Variants in KIF5C observed in about 807,000 individuals in gnomAD.
KIF5C encodes kinesin heavy chain isoform 5C.
In KIF5C, 18 loss-of-function variants were observed where a neutral mutation model predicts 125.2. The observed-to-expected ratio is 0.14, with a 90% confidence interval of 0.10 to 0.21. The LOEUF (loss-of-function observed/expected upper bound fraction) is 0.21. Ranked by LOEUF, KIF5C falls within the 10% of genes least tolerant of loss-of-function variation. The pLI is 1.00. For missense variants in KIF5C, 780 were observed against 1,183.8 expected, an observed-to-expected ratio of 0.66 and a Z score of 5.01; for synonymous variants, 405 against 434.0, an observed-to-expected ratio of 0.93 and a Z score of 0.83.
chr2:149,014,783 A>G (rs1682312886), intron 25 of KIF5C, among the ~76,000 whole-genome samples: 3 of 152,186 alleles, frequency 2.0e-5, no homozygotes, highest in Admixed American at 1.3e-4. Flanking sequence ...TATAGTTGTT[A>G]CTAAATGGTT....
chr2:148,946,271 G>A (rs983938331), intron 7 of KIF5C, among the ~76,000 whole-genome samples: 15 of 152,184 alleles, frequency 9.9e-5, no homozygotes, highest in African/African-American at 3.6e-4. Flanking sequence ...GGTGAAGGCT[G>A]AATGGGATGG....
intron 2 of KIF5C, among the ~76,000 whole-genome samples, chr2:148,927,515 G>A (rs1475147984): frequency 6.7e-6 from 1 of 148,478 alleles, no homozygotes; most frequent in Non-Finnish European, 1.5e-5. Flanking sequence ...TGTGTGTATA[G>A]GGGGGATGGT....
chr2:148,998,723 C>T (rs968776227), intron 19 of KIF5C: 11 of 705,850 alleles, frequency 1.6e-5, no homozygotes, highest in East Asian at 3.2e-5. Flanking sequence ...AGGTGGCAGG[C>T]GGGCCCAGCT....
intron 25 of KIF5C, 143 bp downstream of exon 25, chr2:149,011,826 A>G: frequency 8.5e-7 from 1 of 1,177,390 alleles, no homozygotes; most frequent in Non-Finnish European, 1.2e-6. Flanking sequence ...AGGTAAACAG[A>G]GACCCAGACC....
intron 1 of KIF5C, among the ~76,000 whole-genome samples, chr2:148,877,657 A>C (rs1185830450): frequency 6.6e-6 from 1 of 152,164 alleles, no homozygotes; most frequent in Non-Finnish European, 1.5e-5. Flanking sequence ...GCAGTACTGG[A>C]ACATGTTCTG....
chr2:149,010,373 C>T, intron 24 of KIF5C, 22 bp downstream of exon 24: 2 of 1,523,108 alleles, frequency 1.3e-6, no homozygotes, highest in Non-Finnish European at 1.8e-6. Flanking sequence ...CACAGTGGCG[C>T]CCGGGGTTTG....
chr2:148,998,650 G>A (rs1315375982), intron 19 of KIF5C, 141 bp downstream of exon 19: 10 of 1,350,814 alleles, frequency 7.4e-6, no homozygotes, highest in African/African-American at 2.9e-5. Context: ...AGCAGGCTGG[G>A]CGGGCTGCTT....
Position 149,011,699 on chromosome 2 carries a change from A to G in KIF5C, c.*7+16A>G, listed in dbSNP as rs748491538. 4 of 1,613,928 alleles carry G rather than the reference A, an allele frequency of 2.5e-6. No homozygotes were observed. The highest frequency in any genetic ancestry group is 3.4e-6 in the Non-Finnish European group (4 of 1,179,868). ...TAAATACAAAGTGAGTCCCATGTCA[A>G]GGGTGGTTTCTCTATCTGGAGGCAG... On this transcript the variant is annotated intron_variant, in intron 25 of 25. Transcript: ENST00000435030.
intron 4 of KIF5C, among the ~76,000 whole-genome samples, chr2:148,941,203 G>C (rs1299643692): frequency 6.6e-6 from 1 of 152,132 alleles, no homozygotes; most frequent in African/African-American, 2.4e-5. Context: ...CCCTCTCCTG[G>C]CTTCTTGCAT....
At chr2:149,020,638 T>A (rs1288003379) in intron 25 of KIF5C, among the ~76,000 whole-genome samples, 1 of 152,170 alleles carries the variant, frequency 6.6e-6, no homozygotes, top group East Asian at 1.9e-4. Flanking sequence ...CCAAGGTATG[T>A]GCTGGCACCT....
chr2:148,928,979 C>T (rs2105091330), intron 2 of KIF5C, among the ~76,000 whole-genome samples: 1 of 152,300 alleles, frequency 6.6e-6, no homozygotes, highest in South Asian at 2.1e-4. Flanking sequence ...TAGAAGAAAA[C>T]TCAAATATCC....
intron 1 of KIF5C, among the ~76,000 whole-genome samples, chr2:148,907,485 G>T (rs528726229): frequency 6.6e-6 from 1 of 152,358 alleles, no homozygotes; most frequent in East Asian, 1.9e-4. Flanking sequence ...AGTCTCTTCT[G>T]ATCTTGCTCC....
intron 11 of KIF5C, among the ~76,000 whole-genome samples, 198 bp downstream of exon 11, chr2:148,962,317 C>T (rs1682947318): frequency 6.6e-6 from 1 of 151,788 alleles, no homozygotes. Context: ...AGGCGTGCAC[C>T]ACCACACCTG....
chr2:149,001,820 G>A (rs958025674), intron 21 of KIF5C, among the ~76,000 whole-genome samples: 1 of 152,244 alleles, frequency 6.6e-6, no homozygotes, highest in East Asian at 1.9e-4. Context: ...TTTTGGCTCC[G>A]TTCATGGGTC....
chr2:149,021,994 C>T (rs1682546275), intron 25 of KIF5C, among the ~76,000 whole-genome samples: 1 of 152,144 alleles, frequency 6.6e-6, no homozygotes, highest in Admixed American at 6.5e-5. Context: ...AGAGGCCATT[C>T]AGGCTGGTCT....
chr2:148,974,569 G>A (rs937098936), intron 12 of KIF5C, among the ~76,000 whole-genome samples: 12 of 151,988 alleles, frequency 7.9e-5, no homozygotes, highest in East Asian at 5.8e-4. Context: ...TAAAATATTC[G>A]CACCCACGAG....
intron 17 of KIF5C, among the ~76,000 whole-genome samples, chr2:148,995,538 T>C (rs1393306927): frequency 6.6e-6 from 1 of 152,230 alleles, no homozygotes; most frequent in East Asian, 1.9e-4. Flanking sequence ...TGCCATGCAA[T>C]GTGAAACTAG....
chr2:148,991,260 C>T, intron 16 of KIF5C, 62 bp downstream of exon 16: 5 of 1,551,054 alleles, frequency 3.2e-6, no homozygotes, highest in Non-Finnish European at 4.4e-6. Flanking sequence ...CCCTCCATGC[C>T]CTTGCTGGTG....
chr2:148,990,608 T>C (rs894992737), intron 15 of KIF5C, among the ~76,000 whole-genome samples: 1 of 152,136 alleles, frequency 6.6e-6, no homozygotes, highest in African/African-American at 2.4e-5. Context: ...TTGATTTGAG[T>C]TTTTATAGGA....
Sources: allele counts gnomAD v4.1 joint callset (sites outside exome capture counted in the v4.1 genomes callset), GRCh38; gene constraint gnomAD v4.1.1; transcripts MANE v1.5; gene names NCBI Gene and HGNC (gene_info 2026-07-23, HGNC 2026-07-21).